SLC37A1: variants seen among roughly 807,000 people sequenced by gnomAD.
SLC37A1 encodes the protein solute carrier family 37 member 1.
In SLC37A1, 49 loss-of-function variants were observed where a neutral mutation model predicts 75.3. The ratio of observed to expected loss-of-function variants is 0.65; its 90% CI spans 0.52 to 0.83. The LOEUF (loss-of-function observed/expected upper bound fraction) is 0.83, where lower values mean the gene tolerates loss of function less well. Among genes scored for constraint, SLC37A1 ranks in the 40% least tolerant of loss-of-function variants. The pLI is 0.00. For missense variants in SLC37A1, 566 were observed against 695.0 expected (o/e 0.81, Z 2.09); for synonymous variants, 268 against 292.1 (o/e 0.92, Z 0.84).
intron 18 of SLC37A1, among the ~76,000 whole-genome samples, chr21:42,579,395 A>G (rs2056370184): frequency 6.8e-6 from 1 of 146,126 alleles, no homozygotes; most frequent in Non-Finnish European, 1.5e-5. Context: ...CACTGTGGAC[A>G]TTTCATGATT....
At chr21:42,532,493 C>T (rs1249760201) in intron 3 of SLC37A1, among the ~76,000 whole-genome samples, 2 of 152,120 alleles carry the variant, frequency 1.3e-5, no homozygotes, top group Admixed American at 1.3e-4. Flanking sequence ...ATGCTTAGGC[C>T]CTTTGGGCGT....
chr21:42,551,551 C>T (rs984238760), intron 9 of SLC37A1, among the ~76,000 whole-genome samples: 4 of 152,202 alleles, frequency 2.6e-5, no homozygotes, highest in Non-Finnish European at 5.9e-5. Context: ...AATTTAAAAA[C>T]CACTGAATTG....
At chr21:42,561,337 A>G (rs1346876815) in intron 11 of SLC37A1, 2 of 153,712 alleles carry the variant, frequency 1.3e-5, no homozygotes, top group African/African-American at 4.8e-5. Context: ...AACAAACACA[A>G]ACAGGCATTT....
At chr21:42,565,700 T>C in intron 14 of SLC37A1, 127 bp from the exon 15 acceptor site, 1 of 800,690 alleles carries the variant, frequency 1.2e-6, no homozygotes, top group Non-Finnish European at 2.1e-6. Flanking sequence ...CACGCTTTTT[T>C]AGGGGTTTCC....
intron 1 of SLC37A1, among the ~76,000 whole-genome samples, chr21:42,501,491 G>A (rs1217009608): frequency 6.6e-6 from 1 of 152,202 alleles, no homozygotes; most frequent in Non-Finnish European, 1.5e-5. Flanking sequence ...TGGGTGGATT[G>A]CCTGAGCTCA....
At chr21:42,517,627 C>T (rs1440423993) in intron 1 of SLC37A1, among the ~76,000 whole-genome samples, 5 of 152,118 alleles carry the variant, frequency 3.3e-5, no homozygotes, top group Non-Finnish European at 5.9e-5. Context: ...CTGTGCTGGG[C>T]CCCTTCTCAG....
chr21:42,560,222 A>T (rs2146971128), intron 11 of SLC37A1, among the ~76,000 whole-genome samples: 1 of 152,340 alleles, frequency 6.6e-6, no homozygotes, highest in South Asian at 2.1e-4. Flanking sequence ...GGAGCTGTGC[A>T]CAGGGTGTGG....
intron 3 of SLC37A1, among the ~76,000 whole-genome samples, chr21:42,531,940 C>T (rs2054993112): frequency 6.6e-6 from 1 of 152,146 alleles, no homozygotes; most frequent in African/African-American, 2.4e-5. Flanking sequence ...GCCAGAGAGG[C>T]GCCCGGACTC....
chr21:42,519,739 C>T (rs375412512), intron 2 of SLC37A1, among the ~76,000 whole-genome samples: 2 of 152,334 alleles, frequency 1.3e-5, no homozygotes, highest in East Asian at 3.9e-4. Flanking sequence ...GATTGCTTCT[C>T]TTCTTGACTT....
chr21:42,557,487 T>C (rs1344784815), intron 10 of SLC37A1, among the ~76,000 whole-genome samples: 1 of 152,276 alleles, frequency 6.6e-6, no homozygotes, highest in East Asian at 1.9e-4. Context: ...ATCGGGAGCA[T>C]GTTAGGCATC....
intron 17 of SLC37A1, among the ~76,000 whole-genome samples, chr21:42,570,606 G>A (rs1010736864): frequency 7.2e-5 from 11 of 152,304 alleles, no homozygotes; most frequent in Non-Finnish European, 1.2e-4. Context: ...TCTGCAATTC[G>A]GTCTGACTCT....
rs758191502 is a variant in SLC37A1, at chr21:42,574,935, G to C, written c.1521+20G>C. ...TTACTGGTAAGTCGGCCTATTTTTA[G>C]TCCAATCCACCTTGAATGCAGATCT... On this transcript the variant is annotated intron_variant, in intron 18 of 19. Transcript: ENST00000352133. The C allele has an allele frequency of 2.5e-6, 4 of 1,613,604 alleles. No homozygotes were observed. The African/African-American group carries it at 5.3e-5, about 22-fold the overall frequency.
rs115117049 is a variant in SLC37A1 at position 42,578,108 on chromosome 21, A to C, written c.1522-1628A>C. ...CAAAATAGACAAGTGTTTCCTCCCG[A>C]GTCTGGAGCTGAGAACCTCCATGAT... is the stretch of plus-strand genomic sequence containing the variant. On this transcript the variant is annotated intron_variant, in intron 18 of 19. Transcript: ENST00000352133. Among the ~76,000 whole-genome samples, 1,322 of 152,278 alleles carry C rather than the reference A, an allele frequency of 8.7e-3. 16 individuals carry two copies. The highest frequency in any genetic ancestry group is 0.03 in the African/African-American group (1,246 of 41,554).
At chr21:42,554,912 G>T (rs190191884) in intron 10 of SLC37A1, among the ~76,000 whole-genome samples, 1 of 151,216 alleles carries the variant, frequency 6.6e-6, no homozygotes, top group African/African-American at 2.4e-5. Context: ...TTTTAAATTT[G>T]AGTTTAATCA....
chr21:42,512,392 T>C (rs370669828), upstream of SLC37A1, among the ~76,000 whole-genome samples: 15 of 152,258 alleles, frequency 9.9e-5, 4 homozygotes, highest in East Asian at 1.9e-4. Flanking sequence ...GGAGGGCAAC[T>C]TGAGGCAGCT....
At chr21:42,575,121 C>T in intron 18 of SLC37A1, 1 of 985,490 alleles carries the variant, frequency 1.0e-6, no homozygotes, top group Non-Finnish European at 1.2e-6. Context: ...TCTTGCTCTG[C>T]AGCCTTGGGC....
At position 42,559,010 on chromosome 21, in the gene SLC37A1, C is replaced by G; in HGVS notation, c.902C>G (p.Pro301Arg). The change falls in exon 11 of 20, where the codon CCG (proline) becomes CGG (arginine). Residue 301 changes from proline (P) to arginine (R), a missense_variant. Transcript: ENST00000352133. ...TCAGATGGGAAGGGCTCCATCCACC[C>G]GAACCACGTCGTCATTCTCCCCGGG... ...LLSDGKGSIH[P>R]NHVVILPGDG... 1 of 1,613,872 alleles carries G rather than the reference C, an allele frequency of 6.2e-7. No homozygotes were observed. The highest frequency in any genetic ancestry group is 8.5e-7 in the Non-Finnish European group (1 of 1,179,942).
At position 42,547,147 on chromosome 21, in the gene SLC37A1, AC is replaced by A; in HGVS notation, c.768+10del. ...CTCCTCCACCCTGGTGACGGTAAGG[AC>A]CCTGTTTTCTTGTCCTTTTCTAGAA... is the stretch of plus-strand genomic sequence containing the variant. On this transcript the variant is annotated splice_region_variant and intron_variant, in intron 9 of 19. Coordinates refer to ENST00000352133, the MANE Select transcript of SLC37A1 (RefSeq NM_001320537.2). The surrounding 1 kb of genome is among the most constrained non-coding windows in gnomAD (Gnocchi z 6.1). 1.2e-6 allele frequency: 2 copies of A among 1,613,980 alleles called. No individual in the cohort carries two copies. Among genetic ancestry groups the A allele is most frequent in the Non-Finnish European group, 1.7e-6 (2 of 1,179,970 alleles).
chr21:42,506,237 T>A (rs1450191196), intron 2 of SLC37A1, among the ~76,000 whole-genome samples: 1 of 152,258 alleles, frequency 6.6e-6, no homozygotes, highest in Non-Finnish European at 1.5e-5. Flanking sequence ...ATTTGATTTT[T>A]AAACCTCTAT....
Sources: allele counts gnomAD v4.1 joint callset (sites outside exome capture counted in the v4.1 genomes callset), GRCh38; gene constraint gnomAD v4.1.1; non-coding constraint Gnocchi (gnomAD v3.1); transcripts MANE v1.5; gene names NCBI Gene and HGNC (gene_info 2026-07-23, HGNC 2026-07-21).